The following HCN1 variants were observed in gnomAD, a reference collection of about 807,000 sequenced individuals.
The protein encoded by HCN1 is potassium/sodium hyperpolarization-activated cyclic nucleotide-gated channel 1.
In HCN1, 13 loss-of-function variants were observed where a neutral mutation model predicts 78.9. The ratio of observed to expected loss-of-function variants is 0.16; its 90% CI spans 0.11 to 0.26. HCN1 has a LOEUF of 0.26. Ranked by LOEUF, HCN1 falls within the 10% of genes least tolerant of loss-of-function variation. HCN1 has a pLI of 1.00. For missense variants in HCN1, 810 were observed against 1,154.3 expected (o/e 0.70, Z 4.32); for synonymous variants, 552 against 455.5 (o/e 1.21, Z -2.70).
At chr5:45,496,500 G>A (rs1298562838) in intron 2 of HCN1, among the ~76,000 whole-genome samples, 1 of 152,134 alleles carries the variant, frequency 6.6e-6, no homozygotes, top group Non-Finnish European at 1.5e-5. Context: ...TCTGGTCCTG[G>A]ACTCTTTTTG....
At chr5:45,341,534 C>G (rs1237913794) in intron 5 of HCN1, among the ~76,000 whole-genome samples, 1 of 152,130 alleles carries the variant, frequency 6.6e-6, no homozygotes, top group African/African-American at 2.4e-5. Flanking sequence ...CAAGTATGAT[C>G]TTGAAGACAA....
chr5:45,319,238 A>G (rs1746071503), intron 5 of HCN1, among the ~76,000 whole-genome samples: 1 of 151,956 alleles, frequency 6.6e-6, no homozygotes, highest in Non-Finnish European at 1.5e-5. Flanking sequence ...TGGGTAATAG[A>G]ATAAGCACAT....
At chr5:45,603,242 T>C (rs1744660353) in intron 2 of HCN1, among the ~76,000 whole-genome samples, 1 of 152,034 alleles carries the variant, frequency 6.6e-6, no homozygotes, top group Non-Finnish European at 1.5e-5. Flanking sequence ...TTCCAACCAA[T>C]TTTCTTCCAT....
intron 1 of HCN1, 76 bp downstream of exon 1, chr5:45,695,593 C>T: frequency 6.9e-7 from 1 of 1,446,910 alleles, no homozygotes; most frequent in Non-Finnish European, 9.5e-7. Flanking sequence ...CCCGGGACGC[C>T]CCCCACCCAA....
At chr5:45,462,353 G>C (rs564056114) in intron 2 of HCN1, among the ~76,000 whole-genome samples, 2 of 152,222 alleles carry the variant, frequency 1.3e-5, no homozygotes, top group South Asian at 4.1e-4. Context: ...ATTTACAAAT[G>C]ATGGGTAGCT....
chr5:45,615,063 A>G (rs1483226030), intron 2 of HCN1, among the ~76,000 whole-genome samples: 1 of 151,948 alleles, frequency 6.6e-6, no homozygotes, highest in Non-Finnish European at 1.5e-5. Flanking sequence ...TGAGTTTCTG[A>G]GCTAAAAACA....
intron 6 of HCN1, among the ~76,000 whole-genome samples, chr5:45,290,475 A>C (rs1054844819): frequency 5.9e-5 from 9 of 152,082 alleles, no homozygotes; most frequent in African/African-American, 1.9e-4. Flanking sequence ...TTACTGAAAC[A>C]CTAAGTCTAA....
At chr5:45,301,658 T>C (rs1745623961) in intron 6 of HCN1, among the ~76,000 whole-genome samples, 1 of 150,544 alleles carries the variant, frequency 6.6e-6, no homozygotes, top group African/African-American at 2.4e-5. Context: ...CAGAGCAAGG[T>C]TGCAGTGAGC....
intron 2 of HCN1, among the ~76,000 whole-genome samples, chr5:45,470,419 A>C (rs2111649144): frequency 6.6e-6 from 1 of 152,026 alleles, no homozygotes; most frequent in Admixed American, 6.6e-5. Context: ...AAGAACATAA[A>C]CCTTAAAAAA....
chr5:45,330,055 G>T (rs1177745402), intron 5 of HCN1, among the ~76,000 whole-genome samples: 1 of 151,146 alleles, frequency 6.6e-6, no homozygotes, highest in Non-Finnish European at 1.5e-5. Flanking sequence ...ATAATATAGA[G>T]TGTGTCCATG....
At chr5:45,537,421 T>C (rs1259886572) in intron 2 of HCN1, among the ~76,000 whole-genome samples, 1 of 150,560 alleles carries the variant, frequency 6.6e-6, no homozygotes, top group East Asian at 2.0e-4. Flanking sequence ...TAACAATACC[T>C]CTGTTTGAAA....
chr5:45,302,784 G>A (rs2111903448), intron 6 of HCN1, among the ~76,000 whole-genome samples: 1 of 152,002 alleles, frequency 6.6e-6, no homozygotes, highest in African/African-American at 2.4e-5. Flanking sequence ...TCTTTCCCAT[G>A]CTATTCTTAT....
intron 2 of HCN1, among the ~76,000 whole-genome samples, chr5:45,567,693 C>G (rs1396921035): frequency 1.3e-5 from 2 of 150,370 alleles, no homozygotes; most frequent in Non-Finnish European, 3.0e-5. Context: ...AAATATTGAC[C>G]AAAAATAGTC....
chr5:45,404,427 T>G (rs751309618), intron 3 of HCN1, among the ~76,000 whole-genome samples: 10 of 152,026 alleles, frequency 6.6e-5, no homozygotes, highest in South Asian at 4.1e-4. Flanking sequence ...AAATTGTTCC[T>G]TTTAGATTAT....
At chr5:45,624,899 C>T (rs1198423722) in intron 2 of HCN1, among the ~76,000 whole-genome samples, 1 of 152,124 alleles carries the variant, frequency 6.6e-6, no homozygotes, top group African/African-American at 2.4e-5. Context: ...AAGGCCTCTT[C>T]TTGCCATGAA....
intron 5 of HCN1, among the ~76,000 whole-genome samples, chr5:45,348,689 A>T (rs960661287): frequency 4.6e-5 from 7 of 152,184 alleles, no homozygotes; most frequent in African/African-American, 1.2e-4. Context: ...CTACCAAGCA[A>T]ATGGAAAACA....
intron 3 of HCN1, among the ~76,000 whole-genome samples, chr5:45,421,046 C>CTTCTCTCT (rs1561148080): frequency 6.6e-6 from 1 of 151,684 alleles, no homozygotes; most frequent in Non-Finnish European, 1.5e-5. Flanking sequence ...CCTTTCCTTC[C>CTTCTCTCT]TTCTCTCTTT....
chr5:45,618,643 G>T lies in HCN1; in HGVS notation c.849+26542C>A, dbSNP rs934226807. Among the ~76,000 whole-genome samples the T allele has an allele frequency of 2.0e-4, 30 of 152,046 alleles. 1 individual carries two copies. The highest frequency in any genetic ancestry group is 6.3e-4 in the African/African-American group (26 of 41,414). On this transcript the variant is annotated intron_variant, in intron 2 of 7. Transcript: ENST00000303230. ...ATGAGCTAGAGCAAGATGGTCTGTAGTATTCTTTCTAAACATTAATGACTC... is the reference window on the plus strand; with the variant it reads ...ATGAGCTAGAGCAAGATGGTCTGTATTATTCTTTCTAAACATTAATGACTC...
chr5:45,676,808 G>C (rs890127205), intron 1 of HCN1, among the ~76,000 whole-genome samples: 39 of 151,700 alleles, frequency 2.6e-4, no homozygotes, highest in African/African-American at 9.4e-4. Flanking sequence ...GAGGAAAAAT[G>C]GGCAAAGGTT....
Sources: gnomAD v4.1 joint callset for allele counts (sites outside exome capture counted in the v4.1 genomes callset) on GRCh38, gnomAD v4.1.1 for gene constraint, MANE v1.5 for transcripts, NCBI Gene and HGNC (gene_info 2026-07-23, HGNC 2026-07-21) for gene names.